Variants in P3H2 observed in about 807,000 individuals in gnomAD.
P3H2 encodes the protein leprecan-like 1.
P3H2 carries 80 observed loss-of-function variants against 87.0 expected under a neutral mutation model. That is an observed-to-expected ratio of 0.92 (90% CI 0.77 to 1.11). The LOEUF (loss-of-function observed/expected upper bound fraction) is 1.11, where lower values mean the gene tolerates loss of function less well. Among genes scored for constraint, P3H2 ranks in the 50% least tolerant of loss-of-function variants. The probability of loss-of-function intolerance (pLI) is 0.00; values close to 1 mark genes in which losing one functional copy is unlikely to be tolerated. For missense variants in P3H2, 1,001 were observed against 923.9 expected (o/e 1.08, Z -1.08); for synonymous variants, 367 against 359.3 (o/e 1.02, Z -0.24).
intron 1 of P3H2, among the ~76,000 whole-genome samples, chr3:190,037,546 T>G (rs1725463319): frequency 6.6e-6 from 1 of 152,162 alleles, no homozygotes; most frequent in Non-Finnish European, 1.5e-5. Context: ...TCTTGTCCCT[T>G]GATGTCAACA....
intron 1 of P3H2, among the ~76,000 whole-genome samples, chr3:190,100,583 G>C (rs1045899984): frequency 3.3e-5 from 5 of 152,166 alleles, no homozygotes; most frequent in South Asian, 2.1e-4. Flanking sequence ...GCCAAGAAAA[G>C]GTTAACTATT....
At chr3:189,984,485 T>C (rs1393121053) in intron 7 of P3H2, 65 bp downstream of exon 7, 1 of 1,140,730 alleles carries the variant, frequency 8.8e-7, no homozygotes, top group Non-Finnish European at 1.3e-6. Flanking sequence ...CATTTCTCTA[T>C]GATAGGTTAT....
intron 1 of P3H2, among the ~76,000 whole-genome samples, chr3:190,082,071 CAG>C (rs1342359379): frequency 1.3e-5 from 2 of 152,090 alleles, no homozygotes; most frequent in Non-Finnish European, 2.9e-5. Context: ...GTCTGGCTAA[CAG>C]GGTGAAACTG....
At chr3:190,026,347 C>T (rs148617150) in intron 1 of P3H2, among the ~76,000 whole-genome samples, 1 of 152,250 alleles carries the variant, frequency 6.6e-6, no homozygotes, top group East Asian at 1.9e-4. Context: ...GATGGTTAGG[C>T]ATTCTAAGTC....
At chr3:190,041,084 T>A (rs866053028) in intron 1 of P3H2, among the ~76,000 whole-genome samples, 1 of 36,926 alleles carries the variant, frequency 2.7e-5, no homozygotes, top group African/African-American at 1.6e-4. Context: ...ACACACACTC[T>A]CTCTCTCTAT....
upstream of P3H2, chr3:190,120,900 A>C (rs555117088): frequency 2.7e-6 from 3 of 1,112,320 alleles, no homozygotes; most frequent in Non-Finnish European, 3.6e-6. Flanking sequence ...TGAGAGGCGG[A>C]GGCCGTGCCT....
chr3:189,984,100 G>T (rs1480481427), intron 7 of P3H2, among the ~76,000 whole-genome samples: 1 of 151,932 alleles, frequency 6.6e-6, no homozygotes, highest in African/African-American at 2.4e-5. Flanking sequence ...AAAAAAAAAT[G>T]AGCTTTCTTG....
chr3:189,983,144 C>A lies in P3H2; in HGVS notation c.1230-4G>T, dbSNP rs748436006. ...TACGTTCACTCCTGAAGGGACCCTG[C>A]CCATTCAAAAAATTTAAAATGGCAA... On this transcript the variant is annotated splice_region_variant and splice_polypyrimidine_tract_variant and intron_variant, in intron 7 of 14. Coordinates refer to ENST00000319332, the MANE Select transcript of P3H2 (RefSeq NM_018192.4). 1 of 1,611,300 alleles carries A rather than the reference C, an allele frequency of 6.2e-7. No individual in the cohort carries two copies. Among genetic ancestry groups the A allele is most frequent in the African/African-American group, 1.3e-5 (1 of 74,850 alleles).
intron 1 of P3H2, among the ~76,000 whole-genome samples, chr3:190,009,441 C>T (rs1191716026): frequency 6.6e-6 from 1 of 152,112 alleles, no homozygotes; most frequent in Non-Finnish European, 1.5e-5. Flanking sequence ...GCAGTATACC[C>T]TACTCCTTCC....
chr3:190,055,056 G>A (rs1188423670), intron 1 of P3H2, among the ~76,000 whole-genome samples: 2 of 152,030 alleles, frequency 1.3e-5, no homozygotes, highest in Non-Finnish European at 2.9e-5. Flanking sequence ...CATCTTTCTT[G>A]TTCTCTGAGG....
At chr3:190,048,711 G>T (rs898918412) in intron 1 of P3H2, among the ~76,000 whole-genome samples, 2 of 152,128 alleles carry the variant, frequency 1.3e-5, no homozygotes, top group African/African-American at 4.8e-5. Context: ...TAACTTTTCG[G>T]TGGACTATAG....
chr3:189,981,828 G>A (rs1723544652), intron 8 of P3H2, among the ~76,000 whole-genome samples: 1 of 152,192 alleles, frequency 6.6e-6, no homozygotes, highest in Non-Finnish European at 1.5e-5. Context: ...AACTCTGGCT[G>A]ACCATGAAGC....
In P3H2 at chr3:189,973,293, A is replaced by C; in HGVS notation, c.1549-269T>G. 7.6e-6 allele frequency: 3 copies of C among 396,602 alleles called. No individual in the cohort carries two copies. The East Asian group carries it at 1.3e-4, about 17-fold the overall frequency. 24.6% of individuals were successfully genotyped at this position (396,602 alleles called of 1,614,324 possible). On this transcript the variant is annotated intron_variant, in intron 10 of 14. Coordinates refer to ENST00000319332, the MANE Select transcript of P3H2 (RefSeq NM_018192.4). Reference sequence around the variant, plus strand: ...CATCCTCTCTAACAACCCTTCCTGCAGTAGAGAATAATTACTTGTTTGAAT... The same window carrying C: ...CATCCTCTCTAACAACCCTTCCTGCCGTAGAGAATAATTACTTGTTTGAAT...
chr3:190,081,344 T>C (rs1381024945), intron 1 of P3H2, among the ~76,000 whole-genome samples: 1 of 152,180 alleles, frequency 6.6e-6, no homozygotes, highest in Non-Finnish European at 1.5e-5. Flanking sequence ...TGGTATATAA[T>C]TAAGGGCAAA....
intron 1 of P3H2, among the ~76,000 whole-genome samples, chr3:190,069,596 C>T (rs1726628026): frequency 6.6e-6 from 1 of 152,136 alleles, no homozygotes; most frequent in Non-Finnish European, 1.5e-5. Context: ...TACCCATATC[C>T]TTAGCAACCA....
Position 189,972,010 on chromosome 3 carries a change from G to T in P3H2, c.1700-3C>A, listed in dbSNP as rs776232146. On this transcript the variant is annotated splice_region_variant and splice_polypyrimidine_tract_variant and intron_variant, in intron 11 of 14. Transcript: ENST00000319332. ...GTCATTTCTTCTATCCTGCTGACCT[G>T]CCAGAAAAGGGAATAGGGAAGAACG... 9.6e-6 allele frequency: 15 copies of T among 1,564,110 alleles called. No individual in the cohort carries two copies. The South Asian group carries it at 1.3e-4, about 14-fold the overall frequency.
intron 1 of P3H2, among the ~76,000 whole-genome samples, chr3:190,003,397 C>G (rs982866113): frequency 5.1e-4 from 78 of 151,886 alleles, no homozygotes; most frequent in African/African-American, 1.9e-3. Flanking sequence ...AAATAGAAAC[C>G]ATCTTTCTGG....
At chr3:190,038,113 C>T (rs1725479775) in intron 1 of P3H2, among the ~76,000 whole-genome samples, 1 of 151,938 alleles carries the variant, frequency 6.6e-6, no homozygotes, top group Admixed American at 6.6e-5. Flanking sequence ...CTTTTGATTT[C>T]CATTCATACT....
Position 189,957,856 on chromosome 3 carries a change from G to T in P3H2, c.*56C>A. ...CATGGCTCTGTACAAAAATAAAAAGGTTCTCATAAGATTAACAATTTAAAT... is the reference window on the plus strand; with the variant it reads ...CATGGCTCTGTACAAAAATAAAAAGTTTCTCATAAGATTAACAATTTAAAT... On this transcript the variant is annotated 3_prime_UTR_variant, in exon 15 of 15. Transcript: ENST00000319332. The T allele has an allele frequency of 8.2e-7, 1 of 1,221,108 alleles. No homozygotes were observed. The highest frequency in any genetic ancestry group is 1.7e-5 in the Admixed American group (1 of 58,894). 75.6% of individuals were successfully genotyped at this position (1,221,108 alleles called of 1,614,324 possible). A position where few individuals can be genotyped will look rare whatever the true frequency, so the allele number is the denominator to read the frequency against.
Sources: allele counts gnomAD v4.1 joint callset (sites outside exome capture counted in the v4.1 genomes callset), GRCh38; gene constraint gnomAD v4.1.1; transcripts MANE v1.5; gene names NCBI Gene and HGNC (gene_info 2026-07-23, HGNC 2026-07-21).